ME1: variants seen among roughly 807,000 people sequenced by gnomAD.
ME1 encodes NADP-dependent malic enzyme.
Under a neutral mutation model 66.4 loss-of-function variants are expected in ME1, and 74 were observed. The ratio of observed to expected loss-of-function variants is 1.11; its 90% CI spans 0.92 to 1.35. The LOEUF is 1.35. ME1 is among the 40% of genes most tolerant of loss of function. The pLI, the probability that ME1 is intolerant of heterozygous loss-of-function variation, is 0.00. For synonymous variants in ME1, 251 were observed against 235.6 expected (o/e 1.07, Z -0.60); for missense variants, 750 against 694.1 (o/e 1.08, Z -0.90).
At chr6:83,280,630 T>A (rs1309202685) in intron 6 of ME1, among the ~76,000 whole-genome samples, 3 of 152,214 alleles carry the variant, frequency 2.0e-5, no homozygotes, top group Non-Finnish European at 2.9e-5. Context: ...CACTAACTGC[T>A]CCTTTTGCTG....
chr6:83,293,311 G>C (rs767465997), intron 6 of ME1, among the ~76,000 whole-genome samples: 1 of 152,136 alleles, frequency 6.6e-6, no homozygotes, highest in Non-Finnish European at 1.5e-5. Context: ...TAAATGTACA[G>C]TTCAGAAATG....
intron 12 of ME1, among the ~76,000 whole-genome samples, chr6:83,221,772 T>C (rs566180010): frequency 6.6e-6 from 1 of 151,776 alleles, no homozygotes; most frequent in Admixed American, 6.6e-5. Flanking sequence ...AAAAAACTGG[T>C]AACAAAAAAT....
At chr6:83,392,305 T>C in intron 3 of ME1, 1 of 513,012 alleles carries the variant, frequency 1.9e-6, no homozygotes, top group Non-Finnish European at 3.8e-6. Flanking sequence ...TCAACAACAC[T>C]GTCTACATGT....
intron 6 of ME1, among the ~76,000 whole-genome samples, chr6:83,270,772 A>T (rs974021884): frequency 1.3e-5 from 2 of 152,158 alleles, no homozygotes; most frequent in African/African-American, 4.8e-5. Flanking sequence ...ACCTTTTCAC[A>T]GTCCACAGGA....
At chr6:83,298,938 T>G (rs1171959305) in intron 6 of ME1, among the ~76,000 whole-genome samples, 12 of 58,572 alleles carry the variant, frequency 2.0e-4, no homozygotes, top group African/African-American at 6.4e-4. Flanking sequence ...TCTGTTTTTT[T>G]TTTTTTTTTT....
intron 10 of ME1, among the ~76,000 whole-genome samples, chr6:83,228,062 CATT>C (rs1018166942): frequency 2.6e-5 from 4 of 152,124 alleles, no homozygotes; most frequent in African/African-American, 4.8e-5. Context: ...TAGTTATCAT[CATT>C]ATTTTCAACG....
At chr6:83,326,711 A>G (rs976594158) in intron 5 of ME1, among the ~76,000 whole-genome samples, 42 of 152,230 alleles carry the variant, frequency 2.8e-4, no homozygotes, top group Admixed American at 2.2e-3. Flanking sequence ...TGGAATGGTA[A>G]TTGTTAAAAA....
At chr6:83,265,129 G>A (rs1766966921) in intron 6 of ME1, among the ~76,000 whole-genome samples, 2 of 152,078 alleles carry the variant, frequency 1.3e-5, no homozygotes, top group South Asian at 4.1e-4. Flanking sequence ...ATCAAAGCAA[G>A]ACCCTCCACC....
At chr6:83,392,567 C>T (rs1458946131) in intron 3 of ME1, 1 of 557,278 alleles carries the variant, frequency 1.8e-6, no homozygotes, top group Non-Finnish European at 3.5e-6. Context: ...CAGTATAATT[C>T]CGCCCATGGC....
At chr6:83,375,602 T>G (rs1769273383) in intron 3 of ME1, among the ~76,000 whole-genome samples, 1 of 152,318 alleles carries the variant, frequency 6.6e-6, no homozygotes, top group South Asian at 2.1e-4. Flanking sequence ...TCTTTCCTGA[T>G]TGCCCTGGCC....
intron 3 of ME1, among the ~76,000 whole-genome samples, chr6:83,384,379 T>C (rs145033808): frequency 2.0e-5 from 3 of 152,064 alleles, no homozygotes; most frequent in Non-Finnish European, 2.9e-5. Flanking sequence ...TGGTGTGAGA[T>C]GGTATCTCAC....
In ME1 at chr6:83,211,969, A is replaced by C; in HGVS notation, c.1674T>G (p.Ser558=). ...DYDQILPDCY[S]WPEEVQKIQT... ...GTATTTTCTGCACCTCTTCAGGCCA[A>C]GAATAACAATCAGGTAGAATCTGGT... Residue 558 remains serine (S), a synonymous_variant, in exon 14 of 14, where the codon TCT becomes TCG. Coordinates refer to ENST00000369705, the MANE Select transcript of ME1 (RefSeq NM_002395.6). 1 of 1,609,082 alleles carries C rather than the reference A, an allele frequency of 6.2e-7. No individual in the cohort carries two copies. The highest frequency in any genetic ancestry group is 8.5e-7 in the Non-Finnish European group (1 of 1,177,180).
chr6:83,272,340 C>T (rs1285381189), intron 6 of ME1, among the ~76,000 whole-genome samples: 1 of 151,976 alleles, frequency 6.6e-6, no homozygotes, highest in South Asian at 2.1e-4. Flanking sequence ...ATATAATGTG[C>T]TATCTTGAAT....
intron 2 of ME1, 52 bp from the exon 3 acceptor site, chr6:83,398,568 C>A: frequency 1.1e-6 from 1 of 920,346 alleles, no homozygotes; most frequent in Non-Finnish European, 1.6e-6. Flanking sequence ...CATGAAATAG[C>A]TACTTAGAAA....
intron 3 of ME1, among the ~76,000 whole-genome samples, chr6:83,360,510 A>C (rs772366346): frequency 6.6e-6 from 1 of 152,176 alleles, no homozygotes; most frequent in Non-Finnish European, 1.5e-5. Flanking sequence ...GAAATGCATA[A>C]TTGGCATAGA....
At chr6:83,350,660 T>A (rs1768782378) in intron 4 of ME1, among the ~76,000 whole-genome samples, 1 of 151,914 alleles carries the variant, frequency 6.6e-6, no homozygotes, top group African/African-American at 2.4e-5. Context: ...ATTTTAAAAT[T>A]TTTTCTAGAA....
At chr6:83,315,577 A>G (rs1768016115) in intron 5 of ME1, among the ~76,000 whole-genome samples, 164 bp from the exon 6 acceptor site, 1 of 152,236 alleles carries the variant, frequency 6.6e-6, no homozygotes, top group Admixed American at 6.5e-5. Flanking sequence ...CATAGAATAT[A>G]CCTGTAGTAT....
intron 7 of ME1, among the ~76,000 whole-genome samples, chr6:83,251,182 G>A (rs560093033): frequency 2.0e-4 from 30 of 152,222 alleles, no homozygotes; most frequent in Admixed American, 9.2e-4. Context: ...TAGTTGGAAT[G>A]GAGACACTGA....
At chr6:83,319,306 T>TA (rs924850590) in intron 5 of ME1, among the ~76,000 whole-genome samples, 26 of 137,424 alleles carry the variant, frequency 1.9e-4, no homozygotes, top group Middle Eastern at 7.1e-3. Flanking sequence ...AGTATAATAA[T>TA]AAAAAAAATA....
Sources: allele counts gnomAD v4.1 joint callset (sites outside exome capture counted in the v4.1 genomes callset), GRCh38; gene constraint gnomAD v4.1.1; transcripts MANE v1.5; gene names NCBI Gene and HGNC (gene_info 2026-07-23, HGNC 2026-07-21).